AP4E1: variants seen among roughly 807,000 people sequenced by gnomAD.
AP4E1 encodes adaptor related protein complex 4 subunit epsilon 1.
In AP4E1, 56 loss-of-function variants were observed where a neutral mutation model predicts 128.2. That is an observed-to-expected ratio of 0.44 (90% CI 0.35 to 0.55). The LOEUF (loss-of-function observed/expected upper bound fraction) is 0.55. Ranked by LOEUF, AP4E1 falls within the 20% of genes least tolerant of loss-of-function variation. The pLI is 0.00. For missense variants in AP4E1, 1,324 were observed against 1,307.7 expected (o/e 1.01, Z -0.19); for synonymous variants, 484 against 473.1 (o/e 1.02, Z -0.30).
chr15:50,993,486 G>A lies in AP4E1; in HGVS notation c.2207G>A (p.Ser736Asn). ...ESGALPVPQE[S>N]IMENVDQAIT... is the part of the protein sequence containing the mutation. ...GGAGCTCTGCCTGTTCCTCAAGAGA[G>A]TATAATGGAGAATGTAGATCAAGCT... The change falls in exon 17 of 21, where the codon AGT becomes AAT. Residue 736 changes from serine to asparagine, a missense_variant. Coordinates refer to ENST00000261842, the MANE Select transcript of AP4E1 (RefSeq NM_007347.5). 1 of 1,613,976 alleles carries A rather than the reference G, an allele frequency of 6.2e-7. No homozygotes were observed.
At chr15:50,982,730 A>C (rs1456406911) in intron 15 of AP4E1, among the ~76,000 whole-genome samples, 1 of 152,108 alleles carries the variant, frequency 6.6e-6, no homozygotes, top group East Asian at 1.9e-4. Context: ...CTTCTGTATC[A>C]TTTATTTAGG....
rs555952442 is a variant in AP4E1, at chr15:50,970,956, ATTGT to A, written c.1966+2582_1966+2585del. On this transcript the variant is annotated intron_variant, in intron 15 of 20. Transcript: ENST00000261842. Reference sequence around the variant, plus strand: ...TGCTTTGTTCCTTACTTCCTCTCTTATTGTTTATTTTTGTAGTTGGGTGCTTTTC... The same window carrying A: ...TGCTTTGTTCCTTACTTCCTCTCTTATTATTTTTGTAGTTGGGTGCTTTTC... 6.1e-4 allele frequency among the ~76,000 whole-genome samples: 92 copies of A among 151,954 alleles called. 2 individuals carry two copies. The highest frequency in any genetic ancestry group is 3.9e-3 in the Admixed American group (59 of 15,276).
At chr15:50,941,016 TA>T (rs1424432000) in intron 8 of AP4E1, among the ~76,000 whole-genome samples, 10 of 152,164 alleles carry the variant, frequency 6.6e-5, no homozygotes, top group African/African-American at 2.4e-4. Flanking sequence ...TAAACCATTT[TA>T]AAGCATTAAA....
At chr15:50,909,033 C>G (rs1187947050) in intron 1 of AP4E1, 105 bp downstream of exon 1, 1 of 1,528,530 alleles carries the variant, frequency 6.5e-7, no homozygotes, top group Non-Finnish European at 8.8e-7. Context: ...GGTTAGCCCT[C>G]CGGCGGGGCT....
At chr15:50,957,454 A>G (rs2064240423) in intron 13 of AP4E1, among the ~76,000 whole-genome samples, 1 of 152,052 alleles carries the variant, frequency 6.6e-6, no homozygotes, top group Admixed American at 6.6e-5. Context: ...GGGCAGGGCC[A>G]TGGGTGGTTT....
chr15:50,981,524 G>A (rs924704533), intron 15 of AP4E1, among the ~76,000 whole-genome samples: 2 of 152,210 alleles, frequency 1.3e-5, no homozygotes, highest in Non-Finnish European at 2.9e-5. Flanking sequence ...TGATTTAGAT[G>A]TCTCTGGATT....
At chr15:50,978,058 A>G (rs1053082484) in intron 15 of AP4E1, among the ~76,000 whole-genome samples, 1 of 152,202 alleles carries the variant, frequency 6.6e-6, no homozygotes, top group Non-Finnish European at 1.5e-5. Context: ...TGCAGAGAGT[A>G]GTAGTTAAAT....
chr15:50,962,909 A>AAAG, intron 14 of AP4E1, among the ~76,000 whole-genome samples: 1 of 148,398 alleles, frequency 6.7e-6, no homozygotes, highest in Admixed American at 6.6e-5. Context: ...AAAAAAAAAA[A>AAAG]AAAAAAATCC....
chr15:51,000,638 T>TACAA (rs765141903), intron 19 of AP4E1, among the ~76,000 whole-genome samples: 3 of 152,214 alleles, frequency 2.0e-5, no homozygotes, highest in Non-Finnish European at 4.4e-5. Flanking sequence ...GTGCAAGATC[T>TACAA]TTGTATTCAT....
chr15:50,979,784 C>A (rs992422273), intron 15 of AP4E1, among the ~76,000 whole-genome samples: 5 of 152,146 alleles, frequency 3.3e-5, no homozygotes, highest in African/African-American at 1.2e-4. Flanking sequence ...CTTGACCTCC[C>A]AAAGTGCTGG....
rs760405175 is a variant in AP4E1, at chr15:50,997,336, C to T, written c.2357C>T (p.Ala786Val). The change falls in exon 18 of 21, where the codon GCA (alanine) becomes GTA (valine). Residue 786 changes from alanine (A) to valine (V), a missense_variant. Transcript: ENST00000261842. ...SESTINLLGK[A>V]DTVSHKFRRK... ...GTTTTATTTTTGCAGCTGGGAAAAG[C>T]AGATACTGTCTCTCACAAGTTCAGA... The T allele has an allele frequency of 6.3e-7, 1 of 1,595,480 alleles. No homozygotes were observed. Among genetic ancestry groups the T allele is most frequent in the Non-Finnish European group, 8.5e-7 (1 of 1,175,136 alleles).
intron 14 of AP4E1, among the ~76,000 whole-genome samples, chr15:50,962,809 G>C (rs2064333568): frequency 7.9e-6 from 1 of 126,020 alleles, no homozygotes; most frequent in Non-Finnish European, 1.6e-5. Flanking sequence ...ATAGAGTGAA[G>C]AAACAATCTG....
chr15:50,937,468 T>G (rs1053685664), intron 8 of AP4E1, among the ~76,000 whole-genome samples: 1 of 152,212 alleles, frequency 6.6e-6, no homozygotes, highest in Admixed American at 6.5e-5. Flanking sequence ...TATAAAGTGG[T>G]GTATAGGATA....
In AP4E1 at chr15:50,934,609, A is replaced by C; in HGVS notation, c.870-15A>C. 6.3e-7 allele frequency: 1 copy of C among 1,578,674 alleles called. No individual in the cohort carries two copies. Among genetic ancestry groups the C allele is most frequent in the Non-Finnish European group, 8.7e-7 (1 of 1,148,928 alleles). ...ATACTATAATTCTACTGCAAATAAA[A>C]TATCTTTTAAACAGGACAAGTGAAT... On this transcript the variant is annotated splice_polypyrimidine_tract_variant and intron_variant, in intron 7 of 20. Transcript: ENST00000261842.
At position 50,950,132 on chromosome 15, in the gene AP4E1, T is replaced by C. The variant is rs1171624937; in HGVS notation, c.1511T>C (p.Val504Ala). Residue 504 changes from valine (V) to alanine (A), a missense_variant, in exon 13 of 21, where the codon GTG becomes GCG. Physicochemically the swap from Val to Ala is moderately conservative, Grantham distance 64. Coordinates refer to ENST00000261842, the MANE Select transcript of AP4E1 (RefSeq NM_007347.5). ...CTCACTTTACTGGATATGGAAAATGTGTTCTATCCACAGAGATTTCTTCAA... is the reference window on the plus strand; with the variant it reads ...CTCACTTTACTGGATATGGAAAATGCGTTCTATCCACAGAGATTTCTTCAA... ...SYLTLLDMENVFYPQRFLQVM... is the reference protein window; with the variant it reads ...SYLTLLDMENAFYPQRFLQVM... 6.2e-7 allele frequency: 1 copy of C among 1,613,026 alleles called. No individual in the cohort carries two copies. The highest frequency in any genetic ancestry group is 1.7e-5 in the Admixed American group (1 of 60,012).
At chr15:50,973,390 A>G (rs1251823988) in intron 15 of AP4E1, among the ~76,000 whole-genome samples, 2 of 152,126 alleles carry the variant, frequency 1.3e-5, no homozygotes, top group East Asian at 3.8e-4. Context: ...TTATCTTTTT[A>G]AATCTTTTTA....
intron 13 of AP4E1, among the ~76,000 whole-genome samples, chr15:50,953,061 A>AG (rs1431700700): frequency 6.6e-6 from 1 of 152,142 alleles, no homozygotes; most frequent in Non-Finnish European, 1.5e-5. Flanking sequence ...TACCAAAGGG[A>AG]GAAAAAAAAG....
In AP4E1 at chr15:51,002,799, T is replaced by C. The variant is rs1373821881; in HGVS notation, c.*137T>C. 6 of 1,068,092 alleles carry C rather than the reference T, an allele frequency of 5.6e-6. No homozygotes were observed. The highest frequency in any genetic ancestry group is 8.2e-6 in the Non-Finnish European group (6 of 728,858). The allele number at this position is 1,068,092 out of a possible 1,614,324, so 66.2% of individuals were successfully genotyped here. ...AAGTGTGGTTTATATGTTTTCTTTG[T>C]GATTCCTGGTCAAGAAAGATCCCCA... On this transcript the variant is annotated 3_prime_UTR_variant, in exon 21 of 21. Transcript: ENST00000261842.
chr15:50,982,809 A>G (rs1011962190), intron 15 of AP4E1, among the ~76,000 whole-genome samples: 4 of 152,176 alleles, frequency 2.6e-5, no homozygotes, highest in Admixed American at 6.6e-5. Context: ...GCCATATACT[A>G]TAATAGTTGA....
Sources: gnomAD v4.1 joint callset for allele counts (sites outside exome capture counted in the v4.1 genomes callset) on GRCh38, gnomAD v4.1.1 for gene constraint, MANE v1.5 for transcripts, NCBI Gene and HGNC (gene_info 2026-07-23, HGNC 2026-07-21) for gene names.